The following DISP2 variants were observed in gnomAD, a reference collection of about 807,000 sequenced individuals.
DISP2 encodes the protein dispatched RND transporter family member 2.
Under a neutral mutation model 95.5 loss-of-function variants are expected in DISP2, and 59 were observed. The observed-to-expected ratio is 0.62, with a 90% confidence interval of 0.50 to 0.77. The LOEUF (loss-of-function observed/expected upper bound fraction) is 0.77. Ranked by LOEUF, DISP2 falls within the 30% of genes least tolerant of loss-of-function variation. DISP2 has a pLI of 0.00. For synonymous variants in DISP2, 827 were observed against 815.0 expected, an observed-to-expected ratio of 1.01 and a Z score of -0.25; for missense variants, 1,752 against 1,854.6, an observed-to-expected ratio of 0.94 and a Z score of 1.02.
Position 40,369,144 on chromosome 15 carries a change from A to G in DISP2, c.3032A>G (p.Glu1011Gly). The change falls in exon 8 of 8, where the codon GAG becomes GGG. Residue 1011 changes from glutamate to glycine, a missense_variant. Around this residue, in one of 5 missense-constraint regions of DISP2, gnomAD observed 317 missense variants for 394.9 expected, o/e 0.80. Transcript: ENST00000267889. ...ACTGTAGGACTCCTGGTTCTCCTCG[A>G]GTGGCAGCTCAACACTGCCGAGGCC... ...LLTVGLLVLL[E>G]WQLNTAEALF... is the part of the protein sequence containing the mutation. 1 of 1,613,892 alleles carries G rather than the reference A, an allele frequency of 6.2e-7. No homozygotes were observed. The highest frequency in any genetic ancestry group is 8.5e-7 in the Non-Finnish European group (1 of 1,180,034).
Position 40,368,132 on chromosome 15 carries a change from C to G in DISP2, c.2020C>G (p.Arg674Gly). The G allele has an allele frequency of 6.8e-7, 1 of 1,467,550 alleles. No homozygotes were observed. The highest frequency in any genetic ancestry group is 9.0e-7 in the Non-Finnish European group (1 of 1,116,948). 90.9% of individuals were successfully genotyped at this position (1,467,550 alleles called of 1,614,324 possible). ...CCGGCGGCTACTGCTGGCGCTGCACCGGCGGCTCCGCGGCCTGCGGAGGGC... is the reference window on the plus strand; with the variant it reads ...CCGGCGGCTACTGCTGGCGCTGCACGGGCGGCTCCGCGGCCTGCGGAGGGC... ...APRRLLLALH[R>G]RLRGLRRAAA... is the part of the protein sequence containing the mutation. Residue 674 changes from arginine to glycine, a missense_variant, in exon 8 of 8, where the codon CGG becomes GGG. Physicochemically the swap from Arg to Gly is moderately radical, Grantham distance 125 (BLOSUM62 -2). Transcript: ENST00000267889.
At position 40,370,169 on chromosome 15, in the gene DISP2, T is replaced by C. The variant is rs1429927240; in HGVS notation, c.4057T>C (p.Leu1353=). 2 of 1,612,140 alleles carry C rather than the reference T, an allele frequency of 1.2e-6. No homozygotes were observed. The highest frequency in any genetic ancestry group is 1.7e-6 in the Non-Finnish European group (2 of 1,179,338). The part of the protein sequence containing the change: ...ALRETVYDPS[L]PASHHSSLSW... ...GAGGGAGACAGTGTATGACCCATCA[T>C]TGCCCGCTTCCCATCACAGCAGCTT... The change falls in exon 8 of 8, where the codon TTG becomes CTG. Residue 1353 remains leucine (L), a synonymous_variant. Transcript: ENST00000267889.
In DISP2 at chr15:40,370,781, A is replaced by G. The variant is rs2141264537; in HGVS notation, c.*463A>G. The stretch of plus-strand genomic sequence containing the variant: ...CAGCCTCCTGGGTCTCACCCCTTTC[A>G]TGGGCTCTTCATCAGGACACTTCCC... On this transcript the variant is annotated 3_prime_UTR_variant, in exon 8 of 8. Transcript: ENST00000267889. 7.6e-6 allele frequency: 3 copies of G among 392,846 alleles called. No individual in the cohort carries two copies. The highest frequency in any genetic ancestry group is 5.1e-6 in the Non-Finnish European group (1 of 194,574). 24.3% of individuals were successfully genotyped at this position (392,846 alleles called of 1,614,324 possible). A position where few individuals can be genotyped will look rare whatever the true frequency, so the allele number is the denominator to read the frequency against.
Position 40,368,323 on chromosome 15 carries a change from C to T in DISP2, c.2211C>T (p.Gly737=), listed in dbSNP as rs1889551733. ...TGCCCACGCTGCCGCCGCCCGGCGGCCAGGTCTTCCGGCCCAGCCACCCCT... is the reference window on the plus strand; with the variant it reads ...TGCCCACGCTGCCGCCGCCCGGCGGTCAGGTCTTCCGGCCCAGCCACCCCT... ...LRLPTLPPPG[G]QVFRPSHPFE... is the part of the protein sequence containing the mutation. The change falls in exon 8 of 8, where the codon GGC becomes GGT. Residue 737 remains glycine (G), a synonymous_variant. Coordinates refer to ENST00000267889, the MANE Select transcript of DISP2 (RefSeq NM_033510.3). 1 of 1,603,794 alleles carries T rather than the reference C, an allele frequency of 6.2e-7. No individual in the cohort carries two copies. The highest frequency in any genetic ancestry group is 8.5e-7 in the Non-Finnish European group (1 of 1,176,798).
intron 1 of DISP2, among the ~76,000 whole-genome samples, chr15:40,360,001 T>G (rs1205889374): frequency 6.6e-6 from 1 of 152,250 alleles, no homozygotes; most frequent in African/African-American, 2.4e-5. Context: ...TTCACCTGGC[T>G]GTGTGTCTGT....
At position 40,365,085 on chromosome 15, in the gene DISP2, C is replaced by T. The variant is rs1889474466; in HGVS notation, c.720-62C>T. ...AGGAAGGCTCCCTGGGGAGTGGTCT[C>T]TGGCCTCCTCTGAGTCTTCCAACCC... On this transcript the variant is annotated intron_variant, in intron 5 of 7. Transcript: ENST00000267889. The T allele has an allele frequency of 1.7e-5, 27 of 1,593,316 alleles. 1 individual carries two copies. In the South Asian group the frequency reaches 3.0e-4, roughly 17 times the overall value.
chr15:40,369,803 C>G lies in DISP2; in HGVS notation c.3691C>G (p.Leu1231Val). ...HQAVFSQCPA[L>V]QTSSPYKQAG... ...GGCAGTCTTCAGCCAGTGCCCTGCC[C>G]TGCAGACCTCCTCCCCCTATAAGCA... Residue 1231 changes from leucine (L) to valine (V), a missense_variant, in exon 8 of 8, where the codon CTG becomes GTG. Coordinates refer to ENST00000267889, the MANE Select transcript of DISP2 (RefSeq NM_033510.3). The G allele has an allele frequency of 6.3e-7, 1 of 1,596,696 alleles. No individual in the cohort carries two copies. The highest frequency in any genetic ancestry group is 8.5e-7 in the Non-Finnish European group (1 of 1,169,612).
chr15:40,365,711 A>C lies in DISP2; in HGVS notation c.931A>C (p.Met311Leu). The C allele has an allele frequency of 6.2e-7, 1 of 1,614,028 alleles. No homozygotes were observed. The highest frequency in any genetic ancestry group is 8.5e-7 in the Non-Finnish European group (1 of 1,180,002). Reference sequence around the variant, plus strand: ...GCATGCCATCCATTCCATGTGTCGCATGGAACAGGACCAGGTGAGCTGGTG... The same window carrying C: ...GCATGCCATCCATTCCATGTGTCGCCTGGAACAGGACCAGGTGAGCTGGTG... ...NLHAIHSMCR[M>L]EQDQIRSHTS... The change falls in exon 7 of 8, where the codon ATG (methionine) becomes CTG (leucine). Residue 311 changes from methionine (M) to leucine (L), a missense_variant. By Grantham distance (15) the Met-to-Leu change is conservative (BLOSUM62 2). Coordinates refer to ENST00000267889, the MANE Select transcript of DISP2 (RefSeq NM_033510.3).
At position 40,370,245 on chromosome 15, in the gene DISP2, C is replaced by A; in HGVS notation, c.4133C>A (p.Pro1378His). The change falls in exon 8 of 8, where the codon CCC (proline) becomes CAC (histidine). Residue 1378 changes from proline (P) to histidine (H), a missense_variant. Physicochemically the swap from Pro to His is moderately conservative, Grantham distance 77. This residue lies in a region of DISP2 where 347 missense variants were observed against 344.2 expected (regional missense o/e 1.01). Coordinates refer to ENST00000267889, the MANE Select transcript of DISP2 (RefSeq NM_033510.3). ...GPGDGSPVVL[P>H]NSQPDLPDVW... is the part of the protein sequence containing the mutation. ...GGGGATGGCAGCCCTGTGGTGCTGC[C>A]CAATAGCCAGCCAGACCTGCCAGAT... The A allele has an allele frequency of 6.3e-7, 1 of 1,583,320 alleles. No homozygotes were observed. The highest frequency in any genetic ancestry group is 8.6e-7 in the Non-Finnish European group (1 of 1,165,386).
Position 40,365,612 on chromosome 15 carries a change from CG to C in DISP2, c.848-11del. 3 of 1,613,694 alleles carry C rather than the reference CG, an allele frequency of 1.9e-6. No individual in the cohort carries two copies. The highest frequency in any genetic ancestry group is 2.5e-6 in the Non-Finnish European group (3 of 1,179,740). On this transcript the variant is annotated splice_polypyrimidine_tract_variant and intron_variant, in intron 6 of 7. Transcript: ENST00000267889. ...GGCCAAAGGACTGAGCTCCAGGTTG[CG>C]GGGGTATGTTGCAGAGAAGAGCTAT...
chr15:40,363,529 C>A, intron 1 of DISP2, 96 bp from the exon 2 acceptor site: 2 of 901,364 alleles, frequency 2.2e-6, no homozygotes, highest in South Asian at 2.0e-5. Flanking sequence ...GAGTCCCTGT[C>A]CCCTTGTCTT....
Position 40,373,052 on chromosome 15 carries a change from G to A in DISP2, c.*2734G>A, listed in dbSNP as rs1464550989. 6.6e-6 allele frequency: 1 copy of A among 152,162 alleles called. No homozygotes were observed. Among genetic ancestry groups the A allele is most frequent in the Non-Finnish European group, 1.5e-5 (1 of 68,034 alleles). 9.4% of individuals were successfully genotyped at this position (152,162 alleles called of 1,614,324 possible). ...CTAGAATGGCCCAAACCAACAGCAGGCAATCCACATCAGCAGGAAATCCAG... is the reference window on the plus strand; with the variant it reads ...CTAGAATGGCCCAAACCAACAGCAGACAATCCACATCAGCAGGAAATCCAG... On this transcript the variant is annotated 3_prime_UTR_variant, in exon 8 of 8. Transcript: ENST00000267889.
In DISP2 at chr15:40,370,548, A is replaced by T; in HGVS notation, c.*230A>T. The T allele has an allele frequency of 1.3e-6, 1 of 784,906 alleles. No individual in the cohort carries two copies. Among genetic ancestry groups the T allele is most frequent in the Non-Finnish European group, 2.1e-6 (1 of 465,886 alleles). The allele number at this position is 784,906 out of a possible 1,614,324, so 48.6% of individuals were successfully genotyped here. A position where few individuals can be genotyped will look rare whatever the true frequency, so the allele number is the denominator to read the frequency against. ...GGGTTTTGGAGGGGACCTGCTTGCG[A>T]CCTGCTGAGGGCTTGTCTGCTCCCA... On this transcript the variant is annotated 3_prime_UTR_variant, in exon 8 of 8. Transcript: ENST00000267889.
Position 40,368,912 on chromosome 15 carries a change from G to C in DISP2, c.2800G>C (p.Glu934Gln). The C allele has an allele frequency of 6.2e-7, 1 of 1,613,886 alleles. No individual in the cohort carries two copies. The highest frequency in any genetic ancestry group is 8.5e-7 in the Non-Finnish European group (1 of 1,180,050). ...YNEVSHWLAA[E>Q]LGMAPPGLRR... is the part of the protein sequence containing the mutation. Reference sequence around the variant, plus strand: ...TGAGGTCAGCCACTGGCTGGCAGCGGAGCTGGGCATGGCACCTCCAGGCCT... The same window carrying C: ...TGAGGTCAGCCACTGGCTGGCAGCGCAGCTGGGCATGGCACCTCCAGGCCT... Residue 934 changes from glutamate to glutamine, a missense_variant, in exon 8 of 8, where the codon GAG becomes CAG. Coordinates refer to ENST00000267889, the MANE Select transcript of DISP2 (RefSeq NM_033510.3).
At chr15:40,359,932 C>T (rs1889380426) in intron 1 of DISP2, among the ~76,000 whole-genome samples, 1 of 152,212 alleles carries the variant, frequency 6.6e-6, no homozygotes, top group Non-Finnish European at 1.5e-5. Context: ...TTTTTATTTT[C>T]CTAGTGATAT....
At chr15:40,359,276 G>C (rs1224707569) in intron 1 of DISP2, among the ~76,000 whole-genome samples, 1 of 152,206 alleles carries the variant, frequency 6.6e-6, no homozygotes, top group Non-Finnish European at 1.5e-5. Flanking sequence ...GAAATAAAAG[G>C]CATTCCTTGA....
At position 40,367,835 on chromosome 15, in the gene DISP2, T is replaced by G; in HGVS notation, c.1723T>G (p.Ser575Ala). Residue 575 changes from serine (S) to alanine (A), a missense_variant, in exon 8 of 8, where the codon TCG (serine) becomes GCG (alanine). Transcript: ENST00000267889. ...GCGCCTTAGCAAGAGCCAGCTGCCG[T>G]CGGGGGGGCTGGCGCAGCGCGTGGG... ...LWRLSKSQLP[S>A]GGLAQRVGRT... 6.2e-7 allele frequency: 1 copy of G among 1,601,648 alleles called. No homozygotes were observed. The highest frequency in any genetic ancestry group is 1.1e-5 in the South Asian group (1 of 91,048).
intron 1 of DISP2, among the ~76,000 whole-genome samples, chr15:40,360,671 G>T (rs1889392356): frequency 6.6e-6 from 1 of 152,146 alleles, no homozygotes; most frequent in African/African-American, 2.4e-5. Flanking sequence ...AACCAAGAGT[G>T]CACCCACTCT....
In DISP2 at chr15:40,368,965, A is replaced by G. The variant is rs1445163520; in HGVS notation, c.2853A>G (p.Leu951=). The G allele has an allele frequency of 6.2e-7, 1 of 1,613,966 alleles. No homozygotes were observed. Among genetic ancestry groups the G allele is most frequent in the Non-Finnish European group, 8.5e-7 (1 of 1,180,042 alleles). ...GLRRGWFTSR[L]ELYSLQHSLS... is the part of the protein sequence containing the mutation. ...GCCGTGGTTGGTTCACTAGCCGTCT[A>G]GAGCTGTATAGCCTGCAGCACAGCC... Residue 951 remains leucine (L), a synonymous_variant, in exon 8 of 8, where the codon CTA becomes CTG. Coordinates refer to ENST00000267889, the MANE Select transcript of DISP2 (RefSeq NM_033510.3).
Sources: gnomAD v4.1 joint callset for allele counts (sites outside exome capture counted in the v4.1 genomes callset) on GRCh38, gnomAD v4.1.1 for gene constraint, gnomAD v4.1.1 regional missense constraint, MANE v1.5 for transcripts, NCBI Gene and HGNC (gene_info 2026-07-23, HGNC 2026-07-21) for gene names.